Variants in LARGE1 observed in about 807,000 individuals in gnomAD.
LARGE1 encodes xylosyl- and glucuronyltransferase LARGE1.
Under a neutral mutation model 87.6 loss-of-function variants are expected in LARGE1, and 43 were observed. That is an observed-to-expected ratio of 0.49 (90% CI 0.38 to 0.63). The LOEUF is 0.63. Among genes scored for constraint, LARGE1 ranks in the 30% least tolerant of loss-of-function variants. LARGE1 has a pLI of 0.00. For missense variants in LARGE1, 802 were observed against 1,000.2 expected (o/e 0.80, Z 2.67); for synonymous variants, 434 against 394.6 (o/e 1.10, Z -1.18).
At chr22:33,176,056 G>T (rs1922851109) in intron 11 of LARGE1, among the ~76,000 whole-genome samples, 2 of 152,274 alleles carry the variant, frequency 1.3e-5, no homozygotes, top group Admixed American at 6.5e-5. Context: ...AATGGGGAAA[G>T]GATTCCCTAT....
At chr22:33,256,083 T>C (rs897755317) in intron 11 of LARGE1, among the ~76,000 whole-genome samples, 1 of 152,222 alleles carries the variant, frequency 6.6e-6, no homozygotes, top group African/African-American at 2.4e-5. Context: ...TGCTGCTTCC[T>C]CTGCCAGCCG....
chr22:33,382,400 T>G (rs2065188263), intron 8 of LARGE1, among the ~76,000 whole-genome samples: 1 of 152,142 alleles, frequency 6.6e-6, no homozygotes, highest in Non-Finnish European at 1.5e-5. Context: ...GCAGGAGCCC[T>G]GTGTTACCCA....
At chr22:33,468,785 A>G (rs2068715569) in intron 6 of LARGE1, among the ~76,000 whole-genome samples, 1 of 152,112 alleles carries the variant, frequency 6.6e-6, no homozygotes, top group African/African-American at 2.4e-5. Flanking sequence ...TCTGACTTCA[A>G]AGTCCTGTTA....
rs116973887 is a variant in LARGE1, at chr22:33,703,553, T to C, written c.107-52885A>G. ...CCAGATTATCCTGCTGGGCCTGATA[T>C]AATTACAAAGGTCCTTATAAGAGAG... On this transcript the variant is annotated intron_variant, in intron 2 of 14. Coordinates refer to ENST00000397394, the MANE Select transcript of LARGE1 (RefSeq NM_133642.5). 2.7e-3 allele frequency among the ~76,000 whole-genome samples: 417 copies of C among 152,260 alleles called. 2 individuals are homozygous for C. The highest frequency in any genetic ancestry group is 4.9e-3 in the Non-Finnish European group (334 of 68,016).
At chr22:33,712,221 A>G (rs1168853547) in intron 2 of LARGE1, among the ~76,000 whole-genome samples, 1 of 152,140 alleles carries the variant, frequency 6.6e-6, no homozygotes, top group African/African-American at 2.4e-5. Context: ...GATGGGGGAA[A>G]AAAAAAGGGC....
chr22:33,870,549 A>C (rs1311104622), intron 1 of LARGE1, among the ~76,000 whole-genome samples: 1 of 114,532 alleles, frequency 8.7e-6, no homozygotes, highest in Non-Finnish European at 1.8e-5. Context: ...CATCCCCATG[A>C]CTGTCTGTGT....
intron 6 of LARGE1, among the ~76,000 whole-genome samples, chr22:33,545,099 AAAAAGAAAAATCACAGACATAG>A (rs1569255995): frequency 6.6e-6 from 1 of 152,156 alleles, no homozygotes. Context: ...CCACAACAAC[AAAAAGAAAAATCACAGACATAG>A]AAGAGACGAA....
chr22:33,436,999 GC>G (rs1569162062), intron 6 of LARGE1, among the ~76,000 whole-genome samples: 2 of 151,680 alleles, frequency 1.3e-5, no homozygotes, highest in Admixed American at 6.6e-5. Context: ...TTCAATATTG[GC>G]AGGGGCGGGG....
intron 11 of LARGE1, among the ~76,000 whole-genome samples, chr22:33,182,297 T>C (rs1923214398): frequency 6.6e-6 from 1 of 152,194 alleles, no homozygotes; most frequent in East Asian, 1.9e-4. Flanking sequence ...GCTGCAAAAT[T>C]TAGTACATAA....
At chr22:33,268,419 T>C (rs1259771543), downstream of LARGE1, among the ~76,000 whole-genome samples, 1 of 149,668 alleles carries the variant, frequency 6.7e-6, no homozygotes, top group East Asian at 1.9e-4. Flanking sequence ...TCTTAATAGC[T>C]GTTAAAAAAC....
chr22:33,371,842 G>C (rs2064819020), intron 9 of LARGE1, among the ~76,000 whole-genome samples: 1 of 152,048 alleles, frequency 6.6e-6, no homozygotes, highest in South Asian at 2.1e-4. Context: ...AAATTAGCCG[G>C]GCATGGTGGC....
upstream of LARGE1, among the ~76,000 whole-genome samples, chr22:33,920,725 C>T (rs2065923803): frequency 6.9e-6 from 1 of 144,914 alleles, no homozygotes; most frequent in South Asian, 2.1e-4. Context: ...GCGGGCGGCC[C>T]CCGCCGCCGG....
intron 10 of LARGE1, among the ~76,000 whole-genome samples, chr22:33,323,919 G>C (rs995013649): frequency 4.6e-5 from 7 of 152,130 alleles, no homozygotes; most frequent in Non-Finnish European, 1.0e-4. Context: ...TCTCAATGGG[G>C]AGACTCTAGC....
intron 6 of LARGE1, among the ~76,000 whole-genome samples, chr22:33,452,201 C>A (rs188493006): frequency 7.5e-4 from 114 of 152,184 alleles, no homozygotes; most frequent in African/African-American, 2.7e-3. Context: ...AATGCGGGAG[C>A]TGGACCACAA....
At position 33,428,872 on chromosome 22, in the gene LARGE1, G is replaced by C. The variant is rs1265597996; in HGVS notation, c.892+3289C>G. On this transcript the variant is annotated intron_variant, in intron 7 of 14. Coordinates refer to ENST00000397394, the MANE Select transcript of LARGE1 (RefSeq NM_133642.5). ...GTGAACCCGGGAGGCAGAGCTTGCA[G>C]TGAGCCGAGATTGCGCCACTGCACT... 3.4e-5 allele frequency among the ~76,000 whole-genome samples: 5 copies of C among 148,084 alleles called. No individual in the cohort carries two copies. In the East Asian group the frequency reaches 1.0e-3, roughly 30 times the overall value.
chr22:33,659,984 C>A (rs1332734880), intron 2 of LARGE1, among the ~76,000 whole-genome samples: 1 of 151,622 alleles, frequency 6.6e-6, no homozygotes. Flanking sequence ...ACTACAAATG[C>A]TTGAAGTGTG....
the LARGE1 span, among the ~76,000 whole-genome samples, chr22:33,147,238 A>G: frequency 6.6e-6 from 1 of 152,212 alleles, no homozygotes; most frequent in Non-Finnish European, 1.5e-5. Flanking sequence ...TTGTAACACA[A>G]ACTCTCATTT....
At chr22:33,910,659 CA>C (rs2065607789) in intron 1 of LARGE1, among the ~76,000 whole-genome samples, 1 of 152,124 alleles carries the variant, frequency 6.6e-6, no homozygotes, top group African/African-American at 2.4e-5. Context: ...GGAGCTTGAT[CA>C]ACGTTGGCTG....
chr22:33,371,243 C>G (rs560486291), intron 9 of LARGE1, among the ~76,000 whole-genome samples: 2 of 151,200 alleles, frequency 1.3e-5, no homozygotes, highest in Admixed American at 6.6e-5. Flanking sequence ...TAGTAATTAA[C>G]CCAAATGCCT....
Sources: gnomAD v4.1 joint callset for allele counts (sites outside exome capture counted in the v4.1 genomes callset) on GRCh38, gnomAD v4.1.1 for gene constraint, MANE v1.5 for transcripts, NCBI Gene and HGNC (gene_info 2026-07-23, HGNC 2026-07-21) for gene names.